The following PGAP2 variants were observed in gnomAD, a reference collection of about 807,000 sequenced individuals.
PGAP2 encodes the protein post-GPI attachment to proteins 2.
PGAP2 carries 21 observed loss-of-function variants against 33.2 expected under a neutral mutation model. That is an observed-to-expected ratio of 0.63 (90% CI 0.45 to 0.91). The LOEUF (loss-of-function observed/expected upper bound fraction) is 0.91, where lower values mean the gene tolerates loss of function less well. PGAP2 is among the 40% of genes least tolerant of loss of function. The pLI is 0.00. For missense variants in PGAP2, 345 were observed against 424.0 expected, an observed-to-expected ratio of 0.81 and a Z score of 1.64; for synonymous variants, 161 against 172.9, an observed-to-expected ratio of 0.93 and a Z score of 0.54.
At chr11:3,823,181 G>A (rs1441705330) in intron 3 of PGAP2, among the ~76,000 whole-genome samples, 5 of 151,580 alleles carry the variant, frequency 3.3e-5, no homozygotes, top group Non-Finnish European at 5.9e-5. Flanking sequence ...GACTACGGGC[G>A]CTGGCCACCA....
intron 1 of PGAP2, 27 bp downstream of exon 1, chr11:3,808,678 C>A: frequency 8.9e-7 from 1 of 1,122,490 alleles, no homozygotes. Flanking sequence ...ATGTGCTGGG[C>A]TGCCGGGCAG....
chr11:3,811,384 T>C lies in PGAP2; in HGVS notation c.125T>C (p.Leu42Pro), dbSNP rs1310988445. 2 of 1,613,992 alleles carry C rather than the reference T, an allele frequency of 1.2e-6. No homozygotes were observed. The highest frequency in any genetic ancestry group is 1.7e-6 in the Non-Finnish European group (2 of 1,179,958). ...VAFLFCILWS[L>P]LFHFKETTAT... ...TTCCTCTTCTGCATCCTCTGGTCCCTGCTCTTCCACTTCAAGGAGACAACG... is the reference window on the plus strand; with the variant it reads ...TTCCTCTTCTGCATCCTCTGGTCCCCGCTCTTCCACTTCAAGGAGACAACG... The change falls in exon 2 of 7, where the codon CTG becomes CCG. Residue 42 changes from leucine to proline, a missense_variant. Transcript: ENST00000278243. This position sits in a 1 kb window ranked among gnomAD's most constrained non-coding sequence, Gnocchi z 4.6.
At chr11:3,809,367 T>C (rs1216860616) in intron 1 of PGAP2, among the ~76,000 whole-genome samples, 4 of 152,220 alleles carry the variant, frequency 2.6e-5, no homozygotes, top group Non-Finnish European at 5.9e-5. Flanking sequence ...GTGATTCCCA[T>C]GTTGCAGAAC....
upstream of PGAP2, among the ~76,000 whole-genome samples, chr11:3,803,773 G>A (rs1197919911): frequency 6.9e-6 from 1 of 145,290 alleles, no homozygotes; most frequent in Non-Finnish European, 1.5e-5. Flanking sequence ...TGCATTTAAC[G>A]AATTTACTGC....
intron 3 of PGAP2, among the ~76,000 whole-genome samples, chr11:3,821,830 A>AG (rs137878108): frequency 6.7e-6 from 1 of 150,262 alleles, no homozygotes; most frequent in South Asian, 2.1e-4. Context: ...TGAGAGGCCG[A>AG]GGGGGGTGGA....
intron 4 of PGAP2, 51 bp from the exon 5 acceptor site, chr11:3,824,219 C>G: frequency 6.2e-7 from 1 of 1,612,092 alleles, no homozygotes. Flanking sequence ...CTTCCTACTT[C>G]GTGGTGTGGG....
At chr11:3,812,879 G>A (rs1285412779) in intron 2 of PGAP2, among the ~76,000 whole-genome samples, 3 of 152,180 alleles carry the variant, frequency 2.0e-5, no homozygotes, top group East Asian at 1.9e-4. Flanking sequence ...ACCTGGGGCT[G>A]GGAGCTATTA....
At chr11:3,801,345 T>C (rs1346364409) in intron 1 of PGAP2, among the ~76,000 whole-genome samples, 3 of 151,144 alleles carry the variant, frequency 2.0e-5, no homozygotes, top group Non-Finnish European at 4.4e-5. Flanking sequence ...GTTTGCATTA[T>C]TTAAAAATGT....
rs747801532 is a variant in PGAP2 at position 3,823,756 on chromosome 11, A to C, written c.349-127A>C. 1.9e-6 allele frequency: 3 copies of C among 1,598,756 alleles called. No individual in the cohort carries two copies. The African/African-American group carries it at 4.0e-5, about 21-fold the overall frequency. ...TTTGGGAGAGGTATGGGGACATCTG[A>C]AGGAGGACTTCTTGGAAGGGGAGGG... On this transcript the variant is annotated intron_variant, in intron 3 of 6. Coordinates refer to ENST00000278243, the MANE Select transcript of PGAP2 (RefSeq NM_014489.4).
chr11:3,817,945 C>T, intron 3 of PGAP2: 1 of 432,926 alleles, frequency 2.3e-6, no homozygotes, highest in Admixed American at 2.5e-5. Context: ...ACTTGGGAGG[C>T]TAAGGCAGGA....
chr11:3,810,332 T>C (rs1307005794), intron 1 of PGAP2, among the ~76,000 whole-genome samples: 1 of 152,236 alleles, frequency 6.6e-6, no homozygotes, highest in Admixed American at 6.5e-5. Context: ...AGTGTGTAAC[T>C]CTTCGTGGGT....
At chr11:3,823,604 C>T (rs1016097633) in intron 3 of PGAP2, 11 of 1,535,944 alleles carry the variant, frequency 7.2e-6, no homozygotes, top group Admixed American at 2.0e-5. Flanking sequence ...ACACATTGAC[C>T]AAACACAGGC....
chr11:3,808,168 C>A, upstream of PGAP2: 1 of 1,470,564 alleles, frequency 6.8e-7, no homozygotes, highest in Non-Finnish European at 9.2e-7. Context: ...TGGGAGGAAA[C>A]TGGCTTAATG....
At chr11:3,822,546 A>G (rs2089047036) in intron 3 of PGAP2, among the ~76,000 whole-genome samples, 1 of 151,974 alleles carries the variant, frequency 6.6e-6, no homozygotes, top group Non-Finnish European at 1.5e-5. Context: ...AAGTGAGAGG[A>G]TCACCTGAGC....
intron 3 of PGAP2, 42 bp from the exon 4 acceptor site, chr11:3,823,841 G>A (rs376200535): frequency 3.1e-6 from 5 of 1,596,906 alleles, no homozygotes; most frequent in East Asian, 2.2e-5. Flanking sequence ...ACATGGGCGG[G>A]GCTGGCAGAG....
At position 3,811,460 on chromosome 11, in the gene PGAP2, C is replaced by A. The variant is rs751312576; in HGVS notation, c.165+36C>A. On this transcript the variant is annotated intron_variant, in intron 2 of 6. Transcript: ENST00000278243. The surrounding 1 kb of genome is among the most constrained non-coding windows in gnomAD (Gnocchi z 4.6). The stretch of plus-strand genomic sequence containing the variant: ...GGGACACTGATACCTCATATTCAGG[C>A]CGATCTGGATCTTCTTTAGATCTTG... 1.7e-5 allele frequency: 26 copies of A among 1,573,018 alleles called. No individual in the cohort carries two copies. The highest frequency in any genetic ancestry group is 1.7e-4 in the Middle Eastern group (1 of 5,960).
chr11:3,822,760 G>T (rs1178212878), intron 3 of PGAP2: 1 of 500,428 alleles, frequency 2.0e-6, no homozygotes, highest in African/African-American at 2.0e-5. Context: ...CACTGCTCTA[G>T]GCCCTGGAGT....
chr11:3,804,590 A>G (rs887457926), upstream of PGAP2, among the ~76,000 whole-genome samples: 1 of 152,038 alleles, frequency 6.6e-6, no homozygotes, highest in Non-Finnish European at 1.5e-5. Flanking sequence ...CAATTCCTCA[A>G]TCTCTGCTTA....
chr11:3,804,859 G>C (rs1375436512), upstream of PGAP2, among the ~76,000 whole-genome samples: 1 of 151,938 alleles, frequency 6.6e-6, no homozygotes, highest in Non-Finnish European at 1.5e-5. Context: ...CCGCCACCAG[G>C]CCTGGCTAAT....
Sources: allele counts gnomAD v4.1 joint callset (sites outside exome capture counted in the v4.1 genomes callset), GRCh38; gene constraint gnomAD v4.1.1; non-coding constraint Gnocchi (gnomAD v3.1); transcripts MANE v1.5; gene names NCBI Gene and HGNC (gene_info 2026-07-23, HGNC 2026-07-21).